Variants in TMTC2 observed in about 807,000 individuals in gnomAD.
The protein encoded by TMTC2 is transmembrane O-mannosyltransferase targeting cadherins 2, also known as protein O-mannosyl-transferase TMTC2.
In TMTC2, 43 loss-of-function variants were observed where a neutral mutation model predicts 82.4. That is an observed-to-expected ratio of 0.52 (90% CI 0.41 to 0.67). The LOEUF (loss-of-function observed/expected upper bound fraction) is 0.67, where lower values mean the gene tolerates loss of function less well. Among genes scored for constraint, TMTC2 ranks in the 30% least tolerant of loss-of-function variants. The probability of loss-of-function intolerance (pLI) is 0.00; values close to 1 mark genes in which losing one functional copy is unlikely to be tolerated. For missense variants in TMTC2, 919 were observed against 1,012.4 expected (o/e 0.91, Z 1.25); for synonymous variants, 408 against 381.9 (o/e 1.07, Z -0.80).
At chr12:82,973,742 G>A (rs768978762) in intron 7 of TMTC2, among the ~76,000 whole-genome samples, 9 of 152,118 alleles carry the variant, frequency 5.9e-5, no homozygotes, top group Non-Finnish European at 1.2e-4. Context: ...TAAACCCAGG[G>A]CCAGAAGATA....
chr12:82,878,349 C>A (rs1233651928), intron 2 of TMTC2, among the ~76,000 whole-genome samples: 2 of 152,148 alleles, frequency 1.3e-5, no homozygotes, highest in East Asian at 3.8e-4. Context: ...TTGACCTTTA[C>A]AGTAGTTGAT....
rs189056012 is a variant in TMTC2, at chr12:82,687,317, C to G, written c.-270C>G. The G allele has an allele frequency of 5.7e-6, 3 of 529,150 alleles. No individual in the cohort carries two copies. The highest frequency in any genetic ancestry group is 2.1e-5 in the South Asian group (1 of 47,432). The allele number at this position is 529,150 out of a possible 1,614,324, so 32.8% of individuals were successfully genotyped here. ...TGCGCTTCCGCCGGGGGACGCGGAGCCCAAACGCCGCTCACCGCTTGCGGG... is the reference window on the plus strand; with the variant it reads ...TGCGCTTCCGCCGGGGGACGCGGAGGCCAAACGCCGCTCACCGCTTGCGGG... On this transcript the variant is annotated 5_prime_UTR_variant, in exon 1 of 12. Coordinates refer to ENST00000321196, the MANE Select transcript of TMTC2 (RefSeq NM_152588.3).
intron 1 of TMTC2, among the ~76,000 whole-genome samples, chr12:82,688,349 T>C (rs1872429579): frequency 6.6e-6 from 1 of 152,186 alleles, no homozygotes; most frequent in Admixed American, 6.5e-5. Context: ...GGTTCTTTTG[T>C]ACTAATTGGA....
rs555630857 is a variant in TMTC2, at chr12:82,804,343, GGA to G, written c.84-52664_84-52663del. Among the ~76,000 whole-genome samples, 445 of 152,236 alleles carry G rather than the reference GGA, an allele frequency of 2.9e-3. 1 individual carries two copies. Among genetic ancestry groups the G allele is most frequent in the Middle Eastern group, 0.01 (3 of 294 alleles). On this transcript the variant is annotated intron_variant, in intron 1 of 11. Coordinates refer to ENST00000321196, the MANE Select transcript of TMTC2 (RefSeq NM_152588.3). ...AGGCATCTATAAGTGTTCAGAAAGT[GGA>G]GACTGCTTTTATTGACTTCCTCTGA...
chr12:82,763,944 A>T (rs1431450154), intron 1 of TMTC2, among the ~76,000 whole-genome samples: 1 of 152,222 alleles, frequency 6.6e-6, no homozygotes, highest in African/African-American at 2.4e-5. Context: ...AATCTCACTC[A>T]TGAATACAGG....
chr12:82,737,268 A>G (rs1226486431), intron 1 of TMTC2, among the ~76,000 whole-genome samples: 1 of 152,214 alleles, frequency 6.6e-6, no homozygotes, highest in Non-Finnish European at 1.5e-5. Flanking sequence ...AATTTAGCCA[A>G]ATGATTAATT....
intron 8 of TMTC2, among the ~76,000 whole-genome samples, chr12:82,995,140 A>G (rs933025052): frequency 6.6e-6 from 1 of 152,136 alleles, no homozygotes; most frequent in East Asian, 1.9e-4. Flanking sequence ...TTTTTTTCTA[A>G]TAATATATCA....
intron 9 of TMTC2, among the ~76,000 whole-genome samples, chr12:83,032,516 A>C (rs918820938): frequency 1.1e-4 from 16 of 151,184 alleles, no homozygotes; most frequent in African/African-American, 3.9e-4. Context: ...AAATTTTTGG[A>C]TTTAAACAGA....
At chr12:83,029,473 A>G (rs1881330861) in intron 8 of TMTC2, among the ~76,000 whole-genome samples, 1 of 152,330 alleles carries the variant, frequency 6.6e-6, no homozygotes, top group African/African-American at 2.4e-5. Flanking sequence ...CTCTAACTTT[A>G]GAAAATTGGT....
intron 1 of TMTC2, among the ~76,000 whole-genome samples, chr12:82,739,503 A>G (rs1053217591): frequency 6.6e-6 from 1 of 152,186 alleles, no homozygotes; most frequent in Admixed American, 6.5e-5. Flanking sequence ...CAGCAGAGCA[A>G]CAAGGTAGAT....
chr12:83,009,553 G>GA (rs139322711), intron 8 of TMTC2, among the ~76,000 whole-genome samples: 2,184 of 152,180 alleles, frequency 0.014, 48 homozygotes, highest in African/African-American at 0.049. Flanking sequence ...ATAGATCTCA[G>GA]AAAAATCATT....
At chr12:83,022,489 A>G (rs1274543578) in intron 8 of TMTC2, among the ~76,000 whole-genome samples, 2 of 151,754 alleles carry the variant, frequency 1.3e-5, no homozygotes, top group Admixed American at 6.6e-5. Context: ...TGTGAGCTGC[A>G]CCAGGGAAGG....
chr12:82,819,497 C>CTTTTT (rs766912583), intron 1 of TMTC2, among the ~76,000 whole-genome samples: 87 of 118,218 alleles, frequency 7.4e-4, no homozygotes, highest in Non-Finnish European at 8.5e-4. Flanking sequence ...TTCTCTCTTT[C>CTTTTT]TTTTTTTTTT....
intron 1 of TMTC2, among the ~76,000 whole-genome samples, chr12:82,782,844 A>G (rs1183772059): frequency 1.3e-5 from 2 of 152,130 alleles, no homozygotes; most frequent in Non-Finnish European, 2.9e-5. Flanking sequence ...CTTTATTCCT[A>G]ATTTTGATAA....
chr12:82,748,936 CTATA>C (rs569220290), intron 1 of TMTC2, among the ~76,000 whole-genome samples: 1 of 152,302 alleles, frequency 6.6e-6, no homozygotes, highest in East Asian at 1.9e-4. Context: ...ATGTGTATCT[CTATA>C]TATATGTGGG....
chr12:83,129,292 G>A (rs1409275445), intron 11 of TMTC2, among the ~76,000 whole-genome samples: 1 of 152,088 alleles, frequency 6.6e-6, no homozygotes, highest in Non-Finnish European at 1.5e-5. Flanking sequence ...TTTGCTGGGA[G>A]CGGTTATCCC....
rs1425114210 is a variant in TMTC2, at chr12:83,132,444, G to A, written c.*55G>A. 1 of 1,593,958 alleles carries A rather than the reference G, an allele frequency of 6.3e-7. No individual in the cohort carries two copies. Among genetic ancestry groups the A allele is most frequent in the Non-Finnish European group, 8.6e-7 (1 of 1,168,552 alleles). On this transcript the variant is annotated 3_prime_UTR_variant, in exon 12 of 12. Transcript: ENST00000321196. ...TTTTTAAAAGCTGGCTTCCTTAGCAGACAGAACTTCCCAGCAGTGCTATGA... is the reference window on the plus strand; with the variant it reads ...TTTTTAAAAGCTGGCTTCCTTAGCAAACAGAACTTCCCAGCAGTGCTATGA...
At chr12:83,050,448 AATT>A (rs1882303488) in intron 9 of TMTC2, among the ~76,000 whole-genome samples, 1 of 152,120 alleles carries the variant, frequency 6.6e-6, no homozygotes, top group Non-Finnish European at 1.5e-5. Context: ...TTTATTCCAT[AATT>A]ATTATTAAAT....
chr12:82,719,446 C>G (rs941250717), intron 1 of TMTC2, among the ~76,000 whole-genome samples: 1 of 152,008 alleles, frequency 6.6e-6, no homozygotes, highest in Non-Finnish European at 1.5e-5. Context: ...ACAAAATAAG[C>G]AAAGACTGAA....
Sources: allele counts gnomAD v4.1 joint callset (sites outside exome capture counted in the v4.1 genomes callset), GRCh38; gene constraint gnomAD v4.1.1; transcripts MANE v1.5; gene names NCBI Gene and HGNC (gene_info 2026-07-23, HGNC 2026-07-21).